The following METTL15 variants were observed in gnomAD, a reference collection of about 807,000 sequenced individuals.
METTL15 encodes the protein 12S rRNA N(4)-cytidine methyltransferase METTL15.
A neutral mutation model predicts 38.3 loss-of-function variants in METTL15; 34 were observed. The observed-to-expected ratio is 0.89, with a 90% CI of 0.68 to 1.18. The LOEUF is 1.18. Among genes scored for constraint, METTL15 ranks in the 50% most tolerant of loss-of-function variants. The probability of loss-of-function intolerance (pLI) is 0.00; values close to 1 mark genes in which losing one functional copy is unlikely to be tolerated. For synonymous variants in METTL15, 162 were observed against 170.9 expected, an observed-to-expected ratio of 0.95 and a Z score of 0.41; for missense variants, 438 against 498.4, an observed-to-expected ratio of 0.88 and a Z score of 1.15.
rs1040731472 is a variant in METTL15 at position 28,257,682 on chromosome 11, T to C, written c.408-32524T>C. 5.3e-5 allele frequency among the ~76,000 whole-genome samples: 8 copies of C among 152,198 alleles called. 1 individual carries two copies. Among genetic ancestry groups the C allele is most frequent in the African/African-American group, 1.9e-4 (8 of 41,452 alleles). The stretch of plus-strand genomic sequence containing the variant: ...CCATTCTGCTATTAACAGATTCCGA[T>C]GCATTCTTCAGTATGCCAATTGCAT... On this transcript the variant is annotated intron_variant, in intron 4 of 6. Coordinates refer to ENST00000407364, the MANE Select transcript of METTL15 (RefSeq NM_001113528.2).
chr11:28,409,890 G>A (rs1371367486), intron 5 of METTL15, among the ~76,000 whole-genome samples: 2 of 151,822 alleles, frequency 1.3e-5, no homozygotes, highest in Non-Finnish European at 2.9e-5. Context: ...GCTAGACTAA[G>A]GAAAATAGAG....
intron 3 of METTL15, among the ~76,000 whole-genome samples, chr11:28,192,183 T>G (rs547944646): frequency 6.6e-6 from 1 of 152,008 alleles, no homozygotes; most frequent in South Asian, 2.1e-4. Context: ...CTTGATAGTT[T>G]GCATTATGAA....
intron 6 of METTL15, among the ~76,000 whole-genome samples, chr11:28,508,817 C>A (rs544955810): frequency 5.3e-5 from 8 of 150,462 alleles, no homozygotes; most frequent in Non-Finnish European, 1.2e-4. Flanking sequence ...TATTTCTTGC[C>A]AAAAAAAAAT....
intron 5 of METTL15, among the ~76,000 whole-genome samples, chr11:28,381,373 T>A (rs1590353420): frequency 6.6e-6 from 1 of 152,254 alleles, no homozygotes; most frequent in East Asian, 1.9e-4. Flanking sequence ...TCTTTGGTGT[T>A]CTCTGACTTT....
chr11:28,399,227 G>T (rs1310662706), intron 5 of METTL15: 4 of 151,984 alleles, frequency 2.6e-5, no homozygotes, highest in Non-Finnish European at 1.5e-5. Flanking sequence ...AAATGGTGTT[G>T]GGAAAACTGG....
At chr11:28,512,685 C>T (rs1018567196) in intron 6 of METTL15, among the ~76,000 whole-genome samples, 5 of 152,158 alleles carry the variant, frequency 3.3e-5, no homozygotes, top group South Asian at 2.1e-4. Context: ...AAGTGCCACG[C>T]ACAGCCCCGG....
At chr11:28,252,319 T>G (rs1854777467) in intron 4 of METTL15, among the ~76,000 whole-genome samples, 4 of 152,104 alleles carry the variant, frequency 2.6e-5, no homozygotes, top group Admixed American at 2.0e-4. Flanking sequence ...AGGGAAGGCA[T>G]CACAGATTTC....
rs771956645 is a variant in METTL15, at chr11:28,358,100, T to G, written c.*259-3837T>G. 4.6e-5 allele frequency among the ~76,000 whole-genome samples: 7 copies of G among 152,170 alleles called. No homozygotes were observed. The South Asian group carries it at 1.2e-3, about 27-fold the overall frequency. ...TCTGTGACATTGAAAGCATGAGAAG[T>G]ATTCTGTCTACTGTTCTTAGCTTGA... On this transcript the variant is annotated intron_variant and NMD_transcript_variant, in intron 4 of 7. Coordinates refer to the METTL15 transcript ENST00000532947.
At chr11:28,153,812 C>T (rs1850173923) in intron 3 of METTL15, among the ~76,000 whole-genome samples, 1 of 152,044 alleles carries the variant, frequency 6.6e-6, no homozygotes, top group South Asian at 2.1e-4. Context: ...ATTTAGCATT[C>T]TAAATTGTCC....
intron 3 of METTL15, among the ~76,000 whole-genome samples, chr11:28,136,055 A>G (rs947301403): frequency 6.6e-6 from 1 of 152,194 alleles, no homozygotes; most frequent in African/African-American, 2.4e-5. Context: ...TCAAAGTACT[A>G]TATCTGATTA....
At chr11:28,375,482 A>T (rs1214717217) in intron 5 of METTL15, among the ~76,000 whole-genome samples, 1 of 151,634 alleles carries the variant, frequency 6.6e-6, no homozygotes, top group Non-Finnish European at 1.5e-5. Context: ...CTCTGATGGT[A>T]GTTTGTATTT....
intron 6 of METTL15, among the ~76,000 whole-genome samples, chr11:28,329,870 C>T (rs1395288934): frequency 1.3e-5 from 2 of 152,088 alleles, no homozygotes; most frequent in Non-Finnish European, 1.5e-5. Context: ...GTGTTCTTCT[C>T]AACACTGTTT....
chr11:28,390,504 G>A (rs561673480), intron 5 of METTL15, among the ~76,000 whole-genome samples: 36 of 152,234 alleles, frequency 2.4e-4, no homozygotes, highest in African/African-American at 7.9e-4. Context: ...CCCATTGCTT[G>A]TTTTTCTCAG....
At chr11:28,126,792 A>G (rs964251807) in intron 3 of METTL15, among the ~76,000 whole-genome samples, 4 of 152,150 alleles carry the variant, frequency 2.6e-5, no homozygotes, top group East Asian at 1.9e-4. Flanking sequence ...AGTGGTTGAA[A>G]TGGGCATTTA....
chr11:28,508,477 T>C (rs974736111), intron 6 of METTL15, among the ~76,000 whole-genome samples: 2 of 152,228 alleles, frequency 1.3e-5, no homozygotes, highest in Non-Finnish European at 2.9e-5. Context: ...TCCAACTACC[T>C]ACTTATCCAT....
intron 5 of METTL15, among the ~76,000 whole-genome samples, chr11:28,293,405 A>G (rs1051179715): frequency 6.6e-5 from 10 of 152,050 alleles, no homozygotes; most frequent in African/African-American, 1.4e-4. Flanking sequence ...GTTCTGTTCC[A>G]TTGATCTATG....
intron 3 of METTL15, among the ~76,000 whole-genome samples, chr11:28,344,855 A>G (rs1037230093): frequency 6.6e-6 from 1 of 152,238 alleles, no homozygotes; most frequent in African/African-American, 2.4e-5. Flanking sequence ...TTGTAATTAT[A>G]CATGTTTGAG....
intron 5 of METTL15, among the ~76,000 whole-genome samples, chr11:28,364,665 C>G (rs1170641999): frequency 6.6e-6 from 1 of 152,016 alleles, no homozygotes; most frequent in African/African-American, 2.4e-5. Context: ...TACTTGGATG[C>G]CTTTTATTTC....
At chr11:28,285,353 C>G (rs1335508588) in intron 4 of METTL15, among the ~76,000 whole-genome samples, 1 of 147,098 alleles carries the variant, frequency 6.8e-6, no homozygotes, top group Admixed American at 6.8e-5. Context: ...TTTCTTAAAA[C>G]ATCATGAGAT....
Sources: gnomAD v4.1 joint callset for allele counts (sites outside exome capture counted in the v4.1 genomes callset) on GRCh38, gnomAD v4.1.1 for gene constraint, MANE v1.5 for transcripts, NCBI Gene and HGNC (gene_info 2026-07-23, HGNC 2026-07-21) for gene names.